Variants in NLRP4 observed in about 807,000 individuals in gnomAD.
NLRP4 encodes the protein NACHT, LRR and PYD domains-containing protein 4.
Under a neutral mutation model 84.7 loss-of-function variants are expected in NLRP4, and 44 were observed. That is an observed-to-expected ratio of 0.52 (90% CI 0.41 to 0.67). NLRP4 has a LOEUF of 0.67. NLRP4 is among the 30% of genes least tolerant of loss of function. NLRP4 has a pLI of 0.00. For missense variants in NLRP4, 1,260 were observed against 1,219.4 expected (o/e 1.03, Z -0.50); for synonymous variants, 544 against 476.4 (o/e 1.14, Z -1.85).
At chr19:55,852,456 G>T in intron 2 of NLRP4, 96 bp downstream of exon 2, 3 of 694,398 alleles carry the variant, frequency 4.3e-6, no homozygotes, top group East Asian at 3.0e-5. Context: ...GGACCTGAAT[G>T]TGCTATGGGA....
rs577276786 is a variant in NLRP4 at position 55,857,284 on chromosome 19, A to G, written c.281-390A>G. Among the ~76,000 whole-genome samples the G allele has an allele frequency of 6.6e-5, 10 of 151,486 alleles. No homozygotes were observed. The South Asian group carries it at 1.9e-3, about 29-fold the overall frequency. On this transcript the variant is annotated intron_variant, in intron 2 of 9. Transcript: ENST00000301295. ...AATGTATATGTGTGTGTGTGTGTCT[A>G]TTGAAAGCAGAAGTTGTCAAACTTT... is the stretch of plus-strand genomic sequence containing the variant.
At chr19:55,842,440 C>T (rs1666327139) in intron 1 of NLRP4, among the ~76,000 whole-genome samples, 2 of 152,098 alleles carry the variant, frequency 1.3e-5, no homozygotes, top group Non-Finnish European at 2.9e-5. Context: ...TATCAGAATT[C>T]TATCAGTGGG....
Position 55,861,419 on chromosome 19 carries a change from C to T in NLRP4, c.1890C>T (p.Ile630=). 4.3e-6 allele frequency: 7 copies of T among 1,614,208 alleles called. No homozygotes were observed. Among genetic ancestry groups the T allele is most frequent in the Non-Finnish European group, 4.2e-6 (5 of 1,180,002 alleles). The stretch of plus-strand genomic sequence containing the variant: ...ACAGCCTCATCTGTTGGCATCACAT[C>T]TGCTCTGTGCTCACCACCAGCGGGC... ...SDYSLICWHH[I]CSVLTTSGHL... Residue 630 remains isoleucine (I), a synonymous_variant, in exon 4 of 10, where the codon ATC becomes ATT. Coordinates refer to ENST00000301295, the MANE Select transcript of NLRP4 (RefSeq NM_134444.5).
intron 5 of NLRP4, among the ~76,000 whole-genome samples, chr19:55,862,892 G>A (rs1452372388): frequency 6.6e-6 from 1 of 152,350 alleles, no homozygotes; most frequent in Non-Finnish European, 1.5e-5. Context: ...GGAAGTTAAA[G>A]TTTCCCAATT....
intron 1 of NLRP4, among the ~76,000 whole-genome samples, chr19:55,851,627 TG>T (rs1984149249): frequency 1.9e-5 from 2 of 103,578 alleles, no homozygotes; most frequent in Non-Finnish European, 4.5e-5. Context: ...TGCGGTGTAA[TG>T]TCCGAGGCTG....
intron 7 of NLRP4, among the ~76,000 whole-genome samples, chr19:55,874,403 C>T (rs562121100): frequency 2.7e-4 from 41 of 152,098 alleles, no homozygotes; most frequent in Non-Finnish European, 3.5e-4. Context: ...AGTGGTCACA[C>T]GTGGCTGGCT....
At position 55,859,342 on chromosome 19, in the gene NLRP4, G is replaced by A. The variant is rs186707607; in HGVS notation, c.1856+93G>A. On this transcript the variant is annotated intron_variant, in intron 3 of 9. Coordinates refer to ENST00000301295, the MANE Select transcript of NLRP4 (RefSeq NM_134444.5). Reference sequence around the variant, plus strand: ...AGGGAGTGTTTAATATAGGATCATGGTTAGAAACTCATTTTTTCTGCCACA... The same window carrying A: ...AGGGAGTGTTTAATATAGGATCATGATTAGAAACTCATTTTTTCTGCCACA... 3.8e-5 allele frequency: 38 copies of A among 1,005,038 alleles called. No homozygotes were observed. In the Admixed American group the frequency reaches 8.6e-4, roughly 23 times the overall value. 62.3% of individuals were successfully genotyped at this position (1,005,038 alleles called of 1,614,324 possible).
Position 55,877,136 on chromosome 19 carries a change from C to G in NLRP4, c.2666C>G (p.Thr889Arg), listed in dbSNP as rs753705551. ...GTGCAGCTGTTGTGTCGGGCTCTGA[C>G]GCATACGGATTGCCGCTTAGAGATT... ...VGVQLLCRALTHTDCRLEILG... is the reference protein window; with the variant it reads ...VGVQLLCRALRHTDCRLEILG... The change falls in exon 8 of 10, where the codon ACG becomes AGG. Residue 889 changes from threonine to arginine, a missense_variant. Coordinates refer to ENST00000301295, the MANE Select transcript of NLRP4 (RefSeq NM_134444.5). 12 of 1,613,874 alleles carry G rather than the reference C, an allele frequency of 7.4e-6. No homozygotes were observed. The highest frequency in any genetic ancestry group is 1.0e-5 in the Non-Finnish European group (12 of 1,179,912).
intron 1 of NLRP4, among the ~76,000 whole-genome samples, chr19:55,848,513 C>T (rs145318996): frequency 0.011 from 1,666 of 152,252 alleles, 16 homozygotes; most frequent in African/African-American, 0.037. Flanking sequence ...AAGTGATTCC[C>T]CTGCCTCAGC....
intron 6 of NLRP4, among the ~76,000 whole-genome samples, chr19:55,869,807 G>A (rs1985103975): frequency 6.6e-6 from 1 of 151,204 alleles, no homozygotes; most frequent in Non-Finnish European, 1.5e-5. Flanking sequence ...TTCATAAACT[G>A]GCTGGGATTG....
chr19:55,878,343 C>T (rs987397513), intron 8 of NLRP4, among the ~76,000 whole-genome samples: 7 of 152,206 alleles, frequency 4.6e-5, no homozygotes, highest in African/African-American at 1.7e-4. Context: ...TTGCTAGAAC[C>T]CAGCAGGTCA....
chr19:55,840,340 GTGTA>G lies in NLRP4; in HGVS notation c.-66+3410_-66+3413del, dbSNP rs1414216955. Among the ~76,000 whole-genome samples, 167 of 80,618 alleles carry G rather than the reference GTGTA, an allele frequency of 2.1e-3. 1 individual carries two copies. The highest frequency in any genetic ancestry group is 0.012 in the African/African-American group (137 of 11,260). 52.9% of individuals were successfully genotyped at this position (80,618 alleles called of 152,430 possible). On this transcript the variant is annotated intron_variant, in intron 1 of 9. Transcript: ENST00000301295. ...TGTGTGTGTATAGACATATGTGTAT[GTGTA>G]TGTGTGTGTGTGTGTGTGTGTGTGT...
At chr19:55,838,089 C>G (rs543834343) in intron 1 of NLRP4, among the ~76,000 whole-genome samples, 1 of 150,650 alleles carries the variant, frequency 6.6e-6, no homozygotes, top group African/African-American at 2.5e-5. Context: ...GAGGCCGAGG[C>G]GGGTGGATCA....
At chr19:55,849,423 G>T (rs1226237693) in intron 1 of NLRP4, among the ~76,000 whole-genome samples, 1 of 152,180 alleles carries the variant, frequency 6.6e-6, no homozygotes, top group Non-Finnish European at 1.5e-5. Flanking sequence ...CTGCAGACTG[G>T]ATGGCTTACC....
chr19:55,860,532 T>C (rs1206193718), intron 3 of NLRP4, among the ~76,000 whole-genome samples: 1 of 152,134 alleles, frequency 6.6e-6, no homozygotes, highest in Non-Finnish European at 1.5e-5. Flanking sequence ...CGGTGAGCCA[T>C]GATCGTGCCA....
In NLRP4 at chr19:55,858,197, G is replaced by T; in HGVS notation, c.804G>T (p.Lys268Asn). 6.2e-7 allele frequency: 1 copy of T among 1,614,192 alleles called. No homozygotes were observed. The highest frequency in any genetic ancestry group is 8.5e-7 in the Non-Finnish European group (1 of 1,180,034). Reference sequence around the variant, plus strand: ...TTCTGAGCAGTTTGCTGAGGAAGAAGATGCTCCCGGAGGCCTCCCTGCTCA... The same window carrying T: ...TTCTGAGCAGTTTGCTGAGGAAGAATATGCTCCCGGAGGCCTCCCTGCTCA... ...QVLLSSLLRK[K>N]MLPEASLLIA... Residue 268 changes from lysine to asparagine, a missense_variant, in exon 3 of 10, where the codon AAG becomes AAT. Lys to Asn is a moderately conservative substitution (Grantham distance 94, BLOSUM62 0). This residue lies in a region of NLRP4 where 712 missense variants were observed against 669.2 expected (regional missense o/e 1.06). Transcript: ENST00000301295. This position sits in a 1 kb window ranked among gnomAD's most constrained non-coding sequence, Gnocchi z 4.2.
At position 55,849,843 on chromosome 19, in the gene NLRP4, A is replaced by G. The variant is rs1031435245; in HGVS notation, c.-65-2173A>G. On this transcript the variant is annotated intron_variant, in intron 1 of 9. Transcript: ENST00000301295. The stretch of plus-strand genomic sequence containing the variant: ...GGTGTAATTTCCGAAGCTGCGGTGT[A>G]ATTTCCGAGACTGCGGTGTAATTTC... Among the ~76,000 whole-genome samples, 286 of 143,722 alleles carry G rather than the reference A, an allele frequency of 2.0e-3. 5 individuals carry two copies. Among genetic ancestry groups the G allele is most frequent in the African/African-American group, 5.2e-3 (195 of 37,432 alleles). 94.3% of individuals were successfully genotyped at this position (143,722 alleles called of 152,430 possible).
At chr19:55,869,945 C>A (rs7257491) in intron 6 of NLRP4, among the ~76,000 whole-genome samples, 9,670 of 151,976 alleles carry the variant, frequency 0.064, 709 homozygotes, top group African/African-American at 0.18. Context: ...CAAAAATTAG[C>A]TTGGTGTGGT....
At chr19:55,862,242 A>G (rs10853881) in intron 5 of NLRP4, 83 bp downstream of exon 5, 4,063 of 361,372 alleles carry the variant, frequency 0.011, 349 homozygotes, top group East Asian at 0.038. Context: ...ACCACTGATT[A>G]GGTTTCAGAG....
Sources: allele counts gnomAD v4.1 joint callset (sites outside exome capture counted in the v4.1 genomes callset), GRCh38; gene constraint gnomAD v4.1.1; regional missense constraint gnomAD v4.1.1; non-coding constraint Gnocchi (gnomAD v3.1); transcripts MANE v1.5; gene names NCBI Gene and HGNC (gene_info 2026-07-23, HGNC 2026-07-21).